STK32B: variants seen among roughly 807,000 people sequenced by gnomAD.
STK32B encodes the protein serine/threonine kinase 32B, also known as serine/threonine-protein kinase 32B.
A neutral mutation model predicts 52.6 loss-of-function variants in STK32B; 43 were observed. That is an observed-to-expected ratio of 0.82 (90% CI 0.64 to 1.05). STK32B has a LOEUF of 1.05. Ranked by LOEUF, STK32B falls within the 50% of genes least tolerant of loss-of-function variation. STK32B has a pLI of 0.00. For synonymous variants in STK32B, 238 were observed against 204.3 expected, an observed-to-expected ratio of 1.17 and a Z score of -1.41; for missense variants, 621 against 534.6, an observed-to-expected ratio of 1.16 and a Z score of -1.59.
At chr4:5,227,496 A>G (rs910498755) in intron 3 of STK32B, among the ~76,000 whole-genome samples, 1 of 152,242 alleles carries the variant, frequency 6.6e-6, no homozygotes, top group Non-Finnish European at 1.5e-5. Flanking sequence ...TGTCTAATTC[A>G]TATGAGACAC....
At chr4:5,066,355 G>A (rs1430060328) in intron 1 of STK32B, among the ~76,000 whole-genome samples, 6 of 152,020 alleles carry the variant, frequency 3.9e-5, no homozygotes, top group South Asian at 2.1e-4. Context: ...CGTTTCATGT[G>A]GACTCTCCTG....
chr4:5,451,573 T>C (rs1303753630), intron 7 of STK32B, among the ~76,000 whole-genome samples: 1 of 152,140 alleles, frequency 6.6e-6, no homozygotes, highest in East Asian at 1.9e-4. Flanking sequence ...CTGTTTCTTA[T>C]CTATAAAATG....
At chr4:5,388,377 T>C (rs539914027) in intron 4 of STK32B, among the ~76,000 whole-genome samples, 151 of 152,180 alleles carry the variant, frequency 9.9e-4, no homozygotes, top group Non-Finnish European at 1.7e-3. Flanking sequence ...AGTAAGTCCT[T>C]GACATACAGT....
intron 4 of STK32B, among the ~76,000 whole-genome samples, chr4:5,370,778 A>G (rs759303839): frequency 1.5e-4 from 23 of 151,996 alleles, no homozygotes; most frequent in Admixed American, 3.9e-4. Context: ...GGATTGCTTG[A>G]GCCCAGGAGT....
At chr4:5,175,885 G>A (rs1719835721) in intron 3 of STK32B, among the ~76,000 whole-genome samples, 1 of 152,210 alleles carries the variant, frequency 6.6e-6, no homozygotes, top group African/African-American at 2.4e-5. Context: ...GTTTGTCTTT[G>A]CCCTGCCCCC....
chr4:5,286,851 G>A (rs1336843786), intron 3 of STK32B, among the ~76,000 whole-genome samples: 4 of 143,632 alleles, frequency 2.8e-5, no homozygotes, highest in South Asian at 2.2e-4. Flanking sequence ...AGGCTGGAGT[G>A]CAGTGACGCG....
chr4:5,289,685 ATTTTTTTTTTT>A (rs56211807), intron 3 of STK32B, among the ~76,000 whole-genome samples: 17 of 86,882 alleles, frequency 2.0e-4, no homozygotes, highest in South Asian at 4.3e-4. Context: ...TGCCCGGCTA[ATTTTTTTTTTT>A]TTTTTTTTTT....
intron 6 of STK32B, among the ~76,000 whole-genome samples, chr4:5,419,055 A>G (rs982838527): frequency 6.6e-6 from 1 of 152,182 alleles, no homozygotes; most frequent in African/African-American, 2.4e-5. Flanking sequence ...AGAAATGACT[A>G]TTTCCCTGGA....
chr4:5,443,887 G>C (rs1715052732), intron 6 of STK32B, among the ~76,000 whole-genome samples: 1 of 152,188 alleles, frequency 6.6e-6, no homozygotes, highest in Non-Finnish European at 1.5e-5. Flanking sequence ...GCCCCTGCTG[G>C]GGGGTGCCTG....
rs1002343503 is a variant in STK32B, at chr4:5,460,442, G to A, written c.909+214G>A. Among the ~76,000 whole-genome samples the A allele has an allele frequency of 6.6e-6, 1 of 152,164 alleles. No homozygotes were observed. The highest frequency in any genetic ancestry group is 1.5e-5 in the Non-Finnish European group (1 of 68,024). On this transcript the variant is annotated intron_variant, in intron 9 of 11. Transcript: ENST00000282908. The surrounding 1 kb of genome is among the most constrained non-coding windows in gnomAD (Gnocchi z 4.8). ...TCCCTCCTTGTGGTAGGTCCTTTGG[G>A]GGTGCCAAGCCTTCTCTCTGTCACT...
intron 5 of STK32B, among the ~76,000 whole-genome samples, chr4:5,401,873 G>C (rs1737313011): frequency 6.6e-6 from 1 of 152,186 alleles, no homozygotes; most frequent in Admixed American, 6.5e-5. Context: ...CTCTAGGCTG[G>C]GCTTGGCTGA....
chr4:5,372,527 A>T (rs144362164), intron 4 of STK32B, among the ~76,000 whole-genome samples: 3 of 152,306 alleles, frequency 2.0e-5, no homozygotes, highest in African/African-American at 4.8e-5. Context: ...TATTAAGGAA[A>T]GTGTCAGTAA....
intron 3 of STK32B, among the ~76,000 whole-genome samples, chr4:5,232,776 C>G (rs1400810844): frequency 6.6e-6 from 1 of 152,104 alleles, no homozygotes; most frequent in Non-Finnish European, 1.5e-5. Context: ...CCCTTTAGGT[C>G]CACTCTACAC....
intron 3 of STK32B, among the ~76,000 whole-genome samples, chr4:5,178,828 A>C (rs1287847802): frequency 6.6e-6 from 1 of 152,182 alleles, no homozygotes; most frequent in Non-Finnish European, 1.5e-5. Context: ...TATCACTATC[A>C]GCATTTTGGG....
intron 6 of STK32B, among the ~76,000 whole-genome samples, chr4:5,425,351 T>C (rs533581245): frequency 1.3e-5 from 2 of 152,282 alleles, no homozygotes; most frequent in South Asian, 2.1e-4. Context: ...TTTGTAGATA[T>C]TATTGAGGCC....
At chr4:5,241,492 TG>T (rs1271821102) in intron 3 of STK32B, among the ~76,000 whole-genome samples, 1 of 152,180 alleles carries the variant, frequency 6.6e-6, no homozygotes, top group Non-Finnish European at 1.5e-5. Flanking sequence ...ATCATGCAGG[TG>T]GAATCCATTG....
chr4:5,459,541 C>T (rs749084608), intron 8 of STK32B, among the ~76,000 whole-genome samples: 5 of 152,158 alleles, frequency 3.3e-5, no homozygotes, highest in Non-Finnish European at 5.9e-5. Flanking sequence ...TTGGGAGGCC[C>T]GCTGGGATGC....
At chr4:5,490,668 C>T (rs532520850) in intron 11 of STK32B, among the ~76,000 whole-genome samples, 1 of 152,068 alleles carries the variant, frequency 6.6e-6, no homozygotes, top group East Asian at 1.9e-4. Flanking sequence ...TTGGTTGCTG[C>T]ACCCATTAAC....
At chr4:5,331,531 C>T in intron 4 of STK32B, 138 bp downstream of exon 4, 1 of 863,272 alleles carries the variant, frequency 1.2e-6, no homozygotes, top group East Asian at 2.8e-5. Flanking sequence ...AAAAGCAGAA[C>T]ACTTTTCTTC....
Sources: gnomAD v4.1 joint callset for allele counts (sites outside exome capture counted in the v4.1 genomes callset) on GRCh38, gnomAD v4.1.1 for gene constraint, Gnocchi (gnomAD v3.1) non-coding constraint, MANE v1.5 for transcripts, NCBI Gene and HGNC (gene_info 2026-07-23, HGNC 2026-07-21) for gene names.